Variants in KCNN3 observed in about 807,000 individuals in gnomAD.
KCNN3 encodes the protein small conductance calcium-activated potassium channel protein 3.
In KCNN3, 16 loss-of-function variants were observed where a neutral mutation model predicts 62.9. That is an observed-to-expected ratio of 0.25 (90% confidence interval 0.17 to 0.39). KCNN3 has a LOEUF of 0.39. KCNN3 is among the 10% of genes least tolerant of loss of function. KCNN3 has a pLI of 1.00. For missense variants in KCNN3, 599 were observed against 949.4 expected, an observed-to-expected ratio of 0.63 and a Z score of 4.85; for synonymous variants, 370 against 389.2, an observed-to-expected ratio of 0.95 and a Z score of 0.58.
chr1:154,766,134 G>GCTACAGGCTGCTCCTTCC (rs1553231961), intron 3 of KCNN3, among the ~76,000 whole-genome samples: 9 of 151,644 alleles, frequency 5.9e-5, no homozygotes, highest in Non-Finnish European at 1.3e-4. Context: ...GAAGGGGATC[G>GCTACAGGCTGCTCCTTCC]CTACAGGCTG....
chr1:154,820,605 A>G (rs1428741368), intron 2 of KCNN3, among the ~76,000 whole-genome samples: 1 of 152,130 alleles, frequency 6.6e-6, no homozygotes, highest in African/African-American at 2.4e-5. Context: ...TCCTGTCTCG[A>G]TTCCGTGGCC....
chr1:154,733,218 C>T lies in KCNN3; in HGVS notation c.1449-74G>A, dbSNP rs1382858893. 30 of 1,487,470 alleles carry T rather than the reference C, an allele frequency of 2.0e-5. No homozygotes were observed. In the South Asian group the frequency reaches 2.6e-4, roughly 13 times the overall value. The allele number at this position is 1,487,470 out of a possible 1,614,324, so 92.1% of individuals were successfully genotyped here. A position where few individuals can be genotyped will look rare whatever the true frequency, so the allele number is the denominator to read the frequency against. On this transcript the variant is annotated intron_variant, in intron 3 of 7. Coordinates refer to ENST00000271915, the MANE Select transcript of KCNN3 (RefSeq NM_002249.6). ...GTAAGGGCTGTGGGCAAACCTAGAG[C>T]GGGGAAGGAAATGAGATATTTTGCT...
At chr1:154,782,615 C>T (rs1197287229) in intron 2 of KCNN3, among the ~76,000 whole-genome samples, 1 of 152,216 alleles carries the variant, frequency 6.6e-6, no homozygotes, top group Non-Finnish European at 1.5e-5. Context: ...TCAACAAATG[C>T]GTTTTGGGGA....
chr1:154,808,726 C>T (rs1020419525), intron 2 of KCNN3, among the ~76,000 whole-genome samples: 1 of 152,224 alleles, frequency 6.6e-6, no homozygotes, highest in African/African-American at 2.4e-5. Flanking sequence ...ACTCCCCCGC[C>T]TCCCATTCCA....
At chr1:154,808,410 C>T (rs1485274224) in intron 2 of KCNN3, among the ~76,000 whole-genome samples, 1 of 152,148 alleles carries the variant, frequency 6.6e-6, no homozygotes, top group Non-Finnish European at 1.5e-5. Flanking sequence ...TAGAACTGAC[C>T]CCATGACCAT....
chr1:154,704,253 G>T lies in KCNN3; in HGVS notation c.*3723C>A, dbSNP rs1699922161. On this transcript the variant is annotated 3_prime_UTR_variant, in exon 8 of 8. Transcript: ENST00000271915. ...TGAGGTCGGTCAGTGGTGACTTGGGGCCTTCCCCCCTTGTTCTTTTGGATT... is the reference window on the plus strand; with the variant it reads ...TGAGGTCGGTCAGTGGTGACTTGGGTCCTTCCCCCCTTGTTCTTTTGGATT... 6.6e-6 allele frequency: 1 copy of T among 152,202 alleles called. No homozygotes were observed. Among genetic ancestry groups the T allele is most frequent in the South Asian group, 2.1e-4 (1 of 4,836 alleles). The allele number at this position is 152,202 out of a possible 1,614,324, so 9.4% of individuals were successfully genotyped here. A position where few individuals can be genotyped will look rare whatever the true frequency, so the allele number is the denominator to read the frequency against.
intron 5 of KCNN3, among the ~76,000 whole-genome samples, chr1:154,722,510 C>T (rs1700375283): frequency 6.6e-6 from 1 of 151,012 alleles, no homozygotes. Flanking sequence ...GCCTCAGTCT[C>T]CCGAGTACCT....
rs1649315124 is a variant in KCNN3 at position 154,787,138 on chromosome 1, C to T, written c.1030-14745G>A. On this transcript the variant is annotated intron_variant, in intron 2 of 7. Transcript: ENST00000271915. ...ATACTTCCAGGGCATGAAGATTAAA[C>T]AAGGCACTTATTTCAAGGCCACCTC... 4.6e-5 allele frequency among the ~76,000 whole-genome samples: 7 copies of T among 152,352 alleles called. 1 individual carries two copies. The highest frequency in any genetic ancestry group is 3.4e-3 in the Middle Eastern group (1 of 294).
chr1:154,740,060 T>A (rs989711691), intron 3 of KCNN3, among the ~76,000 whole-genome samples: 5 of 152,256 alleles, frequency 3.3e-5, no homozygotes, highest in African/African-American at 1.2e-4. Flanking sequence ...TAGCAACAGA[T>A]AACTAATACA....
chr1:154,707,767 C>G lies in KCNN3; in HGVS notation c.*209G>C. The G allele has an allele frequency of 1.7e-6, 1 of 581,696 alleles. No individual in the cohort carries two copies. Among genetic ancestry groups the G allele is most frequent in the East Asian group, 3.0e-5 (1 of 32,886 alleles). 36.0% of individuals were successfully genotyped at this position (581,696 alleles called of 1,614,324 possible). A position where few individuals can be genotyped will look rare whatever the true frequency, so the allele number is the denominator to read the frequency against. On this transcript the variant is annotated 3_prime_UTR_variant, in exon 8 of 8. Coordinates refer to ENST00000271915, the MANE Select transcript of KCNN3 (RefSeq NM_002249.6). Reference sequence around the variant, plus strand: ...TTCCTGTCATCTCCTCTTCCCGCTCCCAAGTAGAGGCACCTAAACAGAGAT... The same window carrying G: ...TTCCTGTCATCTCCTCTTCCCGCTCGCAAGTAGAGGCACCTAAACAGAGAT...
At chr1:154,812,446 C>T (rs973182522) in intron 2 of KCNN3, among the ~76,000 whole-genome samples, 7 of 148,132 alleles carry the variant, frequency 4.7e-5, no homozygotes, top group Non-Finnish European at 8.9e-5. Flanking sequence ...GTGTGATGTT[C>T]CCCTTCCTGT....
At chr1:154,845,190 T>A (rs1410116720) in intron 1 of KCNN3, among the ~76,000 whole-genome samples, 2 of 152,054 alleles carry the variant, frequency 1.3e-5, no homozygotes, top group Admixed American at 1.3e-4. Flanking sequence ...AGACAACACC[T>A]CAGAATCCTT....
chr1:154,703,684 G>A lies in KCNN3; in HGVS notation c.*4292C>T, dbSNP rs1699910993. 1 of 152,200 alleles carries A rather than the reference G, an allele frequency of 6.6e-6. No homozygotes were observed. The highest frequency in any genetic ancestry group is 1.5e-5 in the Non-Finnish European group (1 of 68,042). The allele number at this position is 152,200 out of a possible 1,614,324, so 9.4% of individuals were successfully genotyped here. A position where few individuals can be genotyped will look rare whatever the true frequency, so the allele number is the denominator to read the frequency against. On this transcript the variant is annotated 3_prime_UTR_variant, in exon 8 of 8. Coordinates refer to ENST00000271915, the MANE Select transcript of KCNN3 (RefSeq NM_002249.6). ...GTTTGTTGAGTTGCACTCTGGAGGA[G>A]GAGGAAGGTTCTGGAACTACGTGCT...
chr1:154,721,503 G>A (rs1700346945), intron 5 of KCNN3, among the ~76,000 whole-genome samples: 1 of 152,034 alleles, frequency 6.6e-6, no homozygotes, highest in East Asian at 1.9e-4. Flanking sequence ...GTTTCACCAT[G>A]TTCGCCAGGC....
chr1:154,715,056 A>G, intron 5 of KCNN3, 53 bp from the exon 6 acceptor site: 2 of 1,607,736 alleles, frequency 1.2e-6, no homozygotes, highest in Non-Finnish European at 1.7e-6. Context: ...TCTTAGGTTC[A>G]TTTTTGTGGT....
intron 3 of KCNN3, among the ~76,000 whole-genome samples, chr1:154,767,914 C>G (rs1648370974): frequency 6.6e-6 from 1 of 152,178 alleles, no homozygotes; most frequent in South Asian, 2.1e-4. Flanking sequence ...ACATAAAAAC[C>G]AACCCAAGAT....
chr1:154,702,702 TATA>T lies in KCNN3; in HGVS notation c.*5271_*5273del, dbSNP rs1361096060. On this transcript the variant is annotated 3_prime_UTR_variant, in exon 8 of 8. Transcript: ENST00000271915. ...GTTGGCTGCTTCGATCTGATTCAGATATATATATATATATATATATATATATAT... is the reference window on the plus strand; with the variant it reads ...GTTGGCTGCTTCGATCTGATTCAGATTATATATATATATATATATATATAT... 0.071 allele frequency: 147 copies of T among 2,084 alleles called. No homozygotes were observed. The highest frequency in any genetic ancestry group is 0.15 in the African/African-American group (132 of 858). The allele number at this position is 2,084 out of a possible 1,614,324, so 0.1% of individuals were successfully genotyped here. A position where few individuals can be genotyped will look rare whatever the true frequency, so the allele number is the denominator to read the frequency against.
At chr1:154,868,063 C>G in intron 1 of KCNN3, 5 of 985,558 alleles carry the variant, frequency 5.1e-6, no homozygotes, top group Non-Finnish European at 6.0e-6. Context: ...CTGCTGTTCT[C>G]CATCCGGGCG....
At chr1:154,765,140 G>A (rs1648199908) in intron 3 of KCNN3, among the ~76,000 whole-genome samples, 1 of 152,134 alleles carries the variant, frequency 6.6e-6, no homozygotes, top group African/African-American at 2.4e-5. Context: ...GTCTAGGGGT[G>A]GCTCCTCCTG....
Sources: gnomAD v4.1 joint callset for allele counts (sites outside exome capture counted in the v4.1 genomes callset) on GRCh38, gnomAD v4.1.1 for gene constraint, MANE v1.5 for transcripts, NCBI Gene and HGNC (gene_info 2026-07-23, HGNC 2026-07-21) for gene names.